Variants in PTCHD4 observed in about 807,000 individuals in gnomAD.
PTCHD4 encodes the protein patched domain containing 4.
In PTCHD4, 33 loss-of-function variants were observed where a neutral mutation model predicts 58.1. The observed-to-expected ratio is 0.57, with a 90% confidence interval of 0.43 to 0.76. The LOEUF is 0.76. Among genes scored for constraint, PTCHD4 ranks in the 30% least tolerant of loss-of-function variants. The probability of loss-of-function intolerance (pLI) is 0.00; values close to 1 mark genes in which losing one functional copy is unlikely to be tolerated. For synonymous variants in PTCHD4, 478 were observed against 409.6 expected, an observed-to-expected ratio of 1.17 and a Z score of -2.02; for missense variants, 1,058 against 1,027.1, an observed-to-expected ratio of 1.03 and a Z score of -0.41.
chr6:47,952,139 C>T (rs903676845), intron 4 of PTCHD4, among the ~76,000 whole-genome samples: 10 of 151,930 alleles, frequency 6.6e-5, no homozygotes, highest in South Asian at 2.1e-4. Flanking sequence ...AAGGGTACAA[C>T]GAAAATGAAT....
rs1044118443 is a variant in PTCHD4, at chr6:47,866,929, A to G, written c.*11374T>C. 2.6e-5 allele frequency among the ~76,000 whole-genome samples: 4 copies of G among 151,792 alleles called. No homozygotes were observed. The highest frequency in any genetic ancestry group is 9.7e-5 in the African/African-American group (4 of 41,390). On this transcript the variant is annotated 3_prime_UTR_variant, in exon 5 of 5. Coordinates refer to ENST00000339488, the MANE Select transcript of PTCHD4 (RefSeq NM_001384253.1). ...TTAGAAAAGGATAGATGGGGAGAAA[A>G]TCTATGCAGTTATTTTTCATCACAT... is the stretch of plus-strand genomic sequence containing the variant.
chr6:47,980,679 T>C, intron 4 of PTCHD4, among the ~76,000 whole-genome samples: 1 of 151,930 alleles, frequency 6.6e-6, no homozygotes, highest in Non-Finnish European at 1.5e-5. Flanking sequence ...ATGATAAAGT[T>C]TCAAAGTAAT....
At chr6:48,072,402 C>T (rs1405984733) in intron 1 of PTCHD4, among the ~76,000 whole-genome samples, 1 of 152,148 alleles carries the variant, frequency 6.6e-6, no homozygotes, top group Non-Finnish European at 1.5e-5. Flanking sequence ...CAGTTGCCTC[C>T]TGTGTCTCTG....
chr6:47,912,765 A>T (rs1765110251), intron 4 of PTCHD4, among the ~76,000 whole-genome samples: 1 of 152,150 alleles, frequency 6.6e-6, no homozygotes, highest in Admixed American at 6.6e-5. Context: ...TATACATTAA[A>T]AAAATATTAT....
At chr6:48,019,916 T>C (rs958310696) in intron 3 of PTCHD4, among the ~76,000 whole-genome samples, 1 of 152,030 alleles carries the variant, frequency 6.6e-6, no homozygotes, top group Non-Finnish European at 1.5e-5. Context: ...GAAGATTTGG[T>C]TGGTGGACAT....
Position 48,008,787 on chromosome 6 carries a change from T to C in PTCHD4, c.745A>G (p.Ser249Gly), listed in dbSNP as rs374968659. Residue 249 changes from serine (S) to glycine (G), a missense_variant, in exon 4 of 5, where the codon AGC (serine) becomes GGC (glycine). Transcript: ENST00000339488. ...CTGCGCAAGCAGTCCTTCATGGAGCTGGAGAGGGTGGCTGTGGTCAGGATC... is the reference window on the plus strand; with the variant it reads ...CTGCGCAAGCAGTCCTTCATGGAGCCGGAGAGGGTGGCTGTGGTCAGGATC... ...VLILTTATLS[S>G]SMKDCLRSKP... 2 of 1,613,830 alleles carry C rather than the reference T, an allele frequency of 1.2e-6. No homozygotes were observed. The highest frequency in any genetic ancestry group is 1.7e-6 in the Non-Finnish European group (2 of 1,179,898).
At chr6:47,897,901 A>G (rs897587114) in intron 4 of PTCHD4, among the ~76,000 whole-genome samples, 2 of 134,962 alleles carry the variant, frequency 1.5e-5, no homozygotes, top group Admixed American at 7.2e-5. Context: ...TTTTTATTCT[A>G]TATCTGTTAT....
At chr6:48,084,160 T>A (rs1765218179) in intron 1 of PTCHD4, among the ~76,000 whole-genome samples, 1 of 152,208 alleles carries the variant, frequency 6.6e-6, no homozygotes, top group South Asian at 2.1e-4. Context: ...TCTATGAAAT[T>A]TCTTTCACAC....
rs554798297 is a variant in PTCHD4, at chr6:47,940,646, C to T, written c.899-60710G>A. ...AAAGCTTGTGAAAATAGACATTTCC[C>T]TTCACCACTTACTGTGCTTATTTAT... On this transcript the variant is annotated intron_variant, in intron 4 of 4. Coordinates refer to ENST00000339488, the MANE Select transcript of PTCHD4 (RefSeq NM_001384253.1). 2.2e-4 allele frequency among the ~76,000 whole-genome samples: 34 copies of T among 152,302 alleles called. No individual in the cohort carries two copies. The South Asian group carries it at 6.6e-3, about 30-fold the overall frequency.
At chr6:47,952,900 T>G (rs955412791) in intron 4 of PTCHD4, among the ~76,000 whole-genome samples, 3 of 151,750 alleles carry the variant, frequency 2.0e-5, no homozygotes, top group Admixed American at 6.6e-5. Flanking sequence ...GTATATATAC[T>G]ATACACATAC....
chr6:48,002,754 T>TATA (rs139742079), intron 4 of PTCHD4, among the ~76,000 whole-genome samples: 2,962 of 149,474 alleles, frequency 0.02, 38 homozygotes, highest in South Asian at 0.042. Flanking sequence ...AAACTTAAAG[T>TATA]ATAATAATAA....
chr6:48,084,598 A>G (rs1485414285), intron 1 of PTCHD4, among the ~76,000 whole-genome samples: 1 of 152,208 alleles, frequency 6.6e-6, no homozygotes, highest in Non-Finnish European at 1.5e-5. Context: ...TGAAATATAC[A>G]TTTCACATAT....
At chr6:48,028,165 ACACCTAGCCTCAAGTGATCTGCC>A (rs1426752863) in intron 3 of PTCHD4, among the ~76,000 whole-genome samples, 2 of 152,032 alleles carry the variant, frequency 1.3e-5, no homozygotes, top group Non-Finnish European at 2.9e-5. Context: ...CTGGTCTCGA[ACACCTAGCCTCAAGTGATCTGCC>A]CACCTCGGCC....
chr6:48,084,927 A>G (rs1202178762), intron 1 of PTCHD4, among the ~76,000 whole-genome samples: 1 of 151,860 alleles, frequency 6.6e-6, no homozygotes, highest in East Asian at 1.9e-4. Flanking sequence ...GTATCTTAGT[A>G]GAGACGGTGT....
intron 3 of PTCHD4, among the ~76,000 whole-genome samples, chr6:48,039,735 G>A (rs887297487): frequency 3.3e-5 from 5 of 152,056 alleles, no homozygotes; most frequent in African/African-American, 9.7e-5. Context: ...TGTGGACTTA[G>A]GTACTTAGAT....
intron 4 of PTCHD4, among the ~76,000 whole-genome samples, chr6:47,987,420 A>G (rs1028718240): frequency 7.4e-6 from 1 of 134,292 alleles, no homozygotes; most frequent in Non-Finnish European, 1.6e-5. Context: ...AAAAAAGATT[A>G]AAAAAAAAAA....
chr6:48,088,070 G>A (rs772178709), intron 1 of PTCHD4, among the ~76,000 whole-genome samples: 1 of 152,092 alleles, frequency 6.6e-6, no homozygotes, highest in East Asian at 1.9e-4. Context: ...TTTTAAGTGG[G>A]CATGCTAGGT....
chr6:47,958,815 A>G (rs995117244), intron 4 of PTCHD4, among the ~76,000 whole-genome samples: 2 of 152,214 alleles, frequency 1.3e-5, no homozygotes, highest in Non-Finnish European at 2.9e-5. Context: ...ACCATCAGCC[A>G]GACTGGAAAA....
intron 3 of PTCHD4, among the ~76,000 whole-genome samples, chr6:48,014,152 T>C (rs892520033): frequency 6.6e-6 from 1 of 152,120 alleles, no homozygotes; most frequent in African/African-American, 2.4e-5. Flanking sequence ...CAGAACAAAA[T>C]AAATAAGGTT....
Sources: allele counts gnomAD v4.1 joint callset (sites outside exome capture counted in the v4.1 genomes callset), GRCh38; gene constraint gnomAD v4.1.1; transcripts MANE v1.5; gene names NCBI Gene and HGNC (gene_info 2026-07-23, HGNC 2026-07-21).